The following WDR72 variants were observed in gnomAD, a reference collection of about 807,000 sequenced individuals.
WDR72 encodes WD repeat domain 72.
WDR72 carries 120 observed loss-of-function variants against 124.2 expected under a neutral mutation model. The ratio of observed to expected loss-of-function variants is 0.97; its 90% CI spans 0.83 to 1.12. The LOEUF (loss-of-function observed/expected upper bound fraction) is 1.12, where lower values mean the gene tolerates loss of function less well. Ranked by LOEUF, WDR72 falls within the 50% of genes most tolerant of loss-of-function variation. WDR72 has a pLI of 0.00. For missense variants in WDR72, 1,387 were observed against 1,278.8 expected (o/e 1.08, Z -1.29); for synonymous variants, 452 against 441.7 (o/e 1.02, Z -0.29).
chr15:53,533,090 C>A (rs925589543), intron 18 of WDR72, among the ~76,000 whole-genome samples: 1 of 152,034 alleles, frequency 6.6e-6, no homozygotes, highest in African/African-American at 2.4e-5. Flanking sequence ...AATCAACCAA[C>A]CACAAGGAAA....
At chr15:53,675,664 T>C (rs553923918) in intron 13 of WDR72, among the ~76,000 whole-genome samples, 2 of 152,342 alleles carry the variant, frequency 1.3e-5, no homozygotes, top group Admixed American at 6.5e-5. Context: ...GTTAAGTTAC[T>C]TATTGGGTAT....
intron 13 of WDR72, among the ~76,000 whole-genome samples, chr15:53,692,252 T>A (rs896560524): frequency 4.6e-5 from 7 of 152,202 alleles, no homozygotes; most frequent in African/African-American, 1.7e-4. Context: ...TTTCCCTGAT[T>A]ACACTGAAAG....
At chr15:53,726,220 GTA>G (rs148593734) in intron 2 of WDR72, among the ~76,000 whole-genome samples, 27,269 of 135,754 alleles carry the variant, frequency 0.2, 3,016 homozygotes, top group African/African-American at 0.27. Flanking sequence ...ATATGTATGT[GTA>G]TATATATATA....
intron 13 of WDR72, among the ~76,000 whole-genome samples, chr15:53,680,337 T>G (rs1434931038): frequency 6.6e-6 from 1 of 152,214 alleles, no homozygotes; most frequent in African/African-American, 2.4e-5. Context: ...TCTGTTAAAT[T>G]CAATGTTTAA....
intron 13 of WDR72, among the ~76,000 whole-genome samples, chr15:53,689,591 A>G (rs2016768018): frequency 6.8e-6 from 1 of 147,438 alleles, no homozygotes; most frequent in African/African-American, 2.6e-5. Context: ...GATGTGGAGA[A>G]ATAGGAACAC....
At chr15:53,702,410 T>G (rs2017211335) in intron 11 of WDR72, 56 bp from the exon 12 acceptor site, 1 of 1,411,572 alleles carries the variant, frequency 7.1e-7, no homozygotes, top group East Asian at 2.3e-5. Flanking sequence ...CAGAAAATCG[T>G]CCCAAGATTC....
intron 15 of WDR72, among the ~76,000 whole-genome samples, chr15:53,614,461 T>C (rs2013676168): frequency 6.6e-6 from 1 of 152,106 alleles, no homozygotes; most frequent in Non-Finnish European, 1.5e-5. Context: ...CAGTCTCTAA[T>C]CCTGACACCT....
chr15:53,712,779 C>T lies in WDR72; in HGVS notation c.704G>A (p.Cys235Tyr). 5 of 1,612,578 alleles carry T rather than the reference C, an allele frequency of 3.1e-6. No individual in the cohort carries two copies. Among genetic ancestry groups the T allele is most frequent in the Non-Finnish European group, 4.2e-6 (5 of 1,178,944 alleles). The change falls in exon 7 of 20, where the codon TGT (cysteine) becomes TAT (tyrosine). Residue 235 changes from cysteine to tyrosine, a missense_variant. Cys to Tyr is a radical substitution (Grantham distance 194). Coordinates refer to ENST00000360509, the MANE Select transcript of WDR72 (RefSeq NM_182758.4). ...TATGTTACTTTATAATACCTTCCAA[C>T]ATTTAGAAAATACCACCAATAGAAG... is the stretch of plus-strand genomic sequence containing the variant. The part of the protein sequence containing the change: ...ERLLLVVFSK[C>Y]WKVYDYCDFS...
Position 53,515,106 on chromosome 15 carries a change from C to CACAAAA in WDR72, c.*2592_*2593insTTTTGT, listed in dbSNP as rs5812689. 6.6e-4 allele frequency: 89 copies of CACAAAA among 134,182 alleles called. 1 individual carries two copies. Among genetic ancestry groups the CACAAAA allele is most frequent in the Non-Finnish European group, 1.1e-3 (65 of 59,776 alleles). 8.3% of individuals were successfully genotyped at this position (134,182 alleles called of 1,614,324 possible). ...ATGTATACACACACACACACACACA[C>CACAAAA]AAATACATTCATAAATATCACCAAG... On this transcript the variant is annotated 3_prime_UTR_variant, in exon 20 of 20. Coordinates refer to ENST00000360509, the MANE Select transcript of WDR72 (RefSeq NM_182758.4).
chr15:53,700,064 G>T, intron 12 of WDR72, 119 bp from the exon 13 acceptor site: 1 of 1,158,150 alleles, frequency 8.6e-7, no homozygotes, highest in Non-Finnish European at 1.3e-6. Context: ...TTACAAAAAT[G>T]ATATTTCTGC....
At chr15:53,673,669 GA>G in intron 13 of WDR72, among the ~76,000 whole-genome samples, 1 of 152,210 alleles carries the variant, frequency 6.6e-6, no homozygotes, top group African/African-American at 2.4e-5. Flanking sequence ...TTGGATTGTG[GA>G]AAAAGCATAT....
At chr15:53,737,270 G>A (rs983819360) in intron 1 of WDR72, among the ~76,000 whole-genome samples, 5 of 152,158 alleles carry the variant, frequency 3.3e-5, no homozygotes, top group African/African-American at 1.2e-4. Context: ...AAGGAACACA[G>A]AAGTCTGCTT....
chr15:53,732,638 G>A (rs1340050538), intron 2 of WDR72, among the ~76,000 whole-genome samples: 1 of 152,040 alleles, frequency 6.6e-6, no homozygotes, highest in East Asian at 1.9e-4. Flanking sequence ...GCTTTCAAGG[G>A]TGCCCTTTGT....
intron 14 of WDR72, among the ~76,000 whole-genome samples, chr15:53,657,285 A>T (rs923197039): frequency 1.3e-5 from 2 of 150,594 alleles, no homozygotes; most frequent in Non-Finnish European, 3.0e-5. Context: ...AAAAAAAAAA[A>T]AAAAGAAAGA....
intron 18 of WDR72, among the ~76,000 whole-genome samples, chr15:53,579,411 T>A (rs2011795918): frequency 6.6e-6 from 1 of 152,130 alleles, no homozygotes; most frequent in South Asian, 2.1e-4. Flanking sequence ...CTAAATGTTC[T>A]AAGCCCATCA....
chr15:53,715,767 G>C (rs559228388), intron 4 of WDR72, among the ~76,000 whole-genome samples: 1 of 152,158 alleles, frequency 6.6e-6, no homozygotes, highest in Admixed American at 6.5e-5. Context: ...TGAGGTTGCC[G>C]TTAGCACCAC....
Position 53,523,249 on chromosome 15 carries a change from G to A in WDR72, c.3222C>T (p.Asp1074=), listed in dbSNP as rs779022456. The change falls in exon 19 of 20, where the codon GAC becomes GAT. Residue 1074 remains aspartate (D), a synonymous_variant. Transcript: ENST00000360509. ...TCTCAGACTCTTCCAAGGCACATCT[G>A]TCAGGCATGTCCTCCACGTCTTGGA... ...ANFQDVEDMP[D]RCALEESESP... 3 of 1,613,102 alleles carry A rather than the reference G, an allele frequency of 1.9e-6. No individual in the cohort carries two copies. The highest frequency in any genetic ancestry group is 1.7e-6 in the Non-Finnish European group (2 of 1,179,388).
chr15:53,724,152 G>T (rs2017954106), intron 2 of WDR72, among the ~76,000 whole-genome samples: 2 of 152,290 alleles, frequency 1.3e-5, no homozygotes, highest in South Asian at 4.1e-4. Context: ...ATGGCTGGGG[G>T]TGAGGGAAGA....
chr15:53,534,153 G>A (rs990492762), intron 18 of WDR72, among the ~76,000 whole-genome samples: 2 of 152,108 alleles, frequency 1.3e-5, no homozygotes, highest in Non-Finnish European at 2.9e-5. Context: ...GCTTATCTCA[G>A]ACACCAGGAA....
Sources: allele counts gnomAD v4.1 joint callset (sites outside exome capture counted in the v4.1 genomes callset), GRCh38; gene constraint gnomAD v4.1.1; transcripts MANE v1.5; gene names NCBI Gene and HGNC (gene_info 2026-07-23, HGNC 2026-07-21).